The following PTPRJ variants were observed in gnomAD, a reference collection of about 807,000 sequenced individuals.
The protein encoded by PTPRJ is protein tyrosine phosphatase receptor type J, also known as receptor-type tyrosine-protein phosphatase eta.
A neutral mutation model predicts 141.3 loss-of-function variants in PTPRJ; 129 were observed. The observed-to-expected ratio is 0.91, with a 90% CI of 0.79 to 1.06. The LOEUF (loss-of-function observed/expected upper bound fraction) is 1.06, where lower values mean the gene tolerates loss of function less well. Among genes scored for constraint, PTPRJ ranks in the 50% least tolerant of loss-of-function variants. The probability of loss-of-function intolerance (pLI) is 0.00; values close to 1 mark genes in which losing one functional copy is unlikely to be tolerated. For missense variants in PTPRJ, 1,601 were observed against 1,679.7 expected, an observed-to-expected ratio of 0.95 and a Z score of 0.82; for synonymous variants, 610 against 640.5, an observed-to-expected ratio of 0.95 and a Z score of 0.72.
intron 1 of PTPRJ, among the ~76,000 whole-genome samples, chr11:47,999,614 G>T (rs1347006727): frequency 2.0e-5 from 3 of 152,152 alleles, no homozygotes; most frequent in Admixed American, 2.0e-4. Flanking sequence ...GGATATCTGG[G>T]TGTATGGACA....
chr11:48,060,673 A>G (rs1854896848), intron 1 of PTPRJ, among the ~76,000 whole-genome samples: 1 of 152,138 alleles, frequency 6.6e-6, no homozygotes, highest in Admixed American at 6.5e-5. Context: ...GTTATTGTAG[A>G]GATTGATTAG....
intron 1 of PTPRJ, among the ~76,000 whole-genome samples, chr11:48,084,744 A>G (rs1855652682): frequency 6.6e-6 from 1 of 152,216 alleles, no homozygotes; most frequent in South Asian, 2.1e-4. Flanking sequence ...TGTGACCTCT[A>G]GTCAGCAAAT....
intron 1 of PTPRJ, among the ~76,000 whole-genome samples, chr11:48,043,467 G>T (rs973683780): frequency 1.3e-5 from 2 of 152,192 alleles, no homozygotes; most frequent in Admixed American, 6.5e-5. Context: ...CAACCTCTTG[G>T]CTAGAGGGCT....
chr11:48,034,884 T>G (rs1230606097), intron 1 of PTPRJ, among the ~76,000 whole-genome samples: 1 of 152,234 alleles, frequency 6.6e-6, no homozygotes, highest in East Asian at 1.9e-4. Context: ...GTGTTGTGTA[T>G]TTCAGATGCA....
Position 47,980,749 on chromosome 11 carries a change from T to C in PTPRJ, c.-164T>C. ...GCCGCGGCCGCCGCCGCCGCTGCCATGTCTCCGGGGAAGCCCGGGGCGGGC... is the reference window on the plus strand; with the variant it reads ...GCCGCGGCCGCCGCCGCCGCTGCCACGTCTCCGGGGAAGCCCGGGGCGGGC... On this transcript the variant is annotated 5_prime_UTR_variant, in exon 1 of 25. It removes an upstream start codon present in the reference 5' UTR. Transcript: ENST00000418331. The C allele has an allele frequency of 3.0e-6, 3 of 1,015,598 alleles. No homozygotes were observed. The highest frequency in any genetic ancestry group is 3.5e-6 in the Non-Finnish European group (3 of 851,916). The allele number at this position is 1,015,598 out of a possible 1,614,324, so 62.9% of individuals were successfully genotyped here. A position where few individuals can be genotyped will look rare whatever the true frequency, so the allele number is the denominator to read the frequency against.
chr11:48,145,225 G>A, intron 14 of PTPRJ, 101 bp downstream of exon 14: 1 of 1,513,846 alleles, frequency 6.6e-7, no homozygotes, highest in Non-Finnish European at 9.0e-7. Context: ...ACCTTCAGGA[G>A]GGTTGGTGTG....
intron 1 of PTPRJ, among the ~76,000 whole-genome samples, chr11:48,056,892 T>C (rs1009107122): frequency 6.6e-6 from 1 of 152,208 alleles, no homozygotes; most frequent in Non-Finnish European, 1.5e-5. Flanking sequence ...AGGAGGAGGT[T>C]GCAGTGAGCC....
chr11:48,149,890 C>G (rs1034582360), intron 16 of PTPRJ, 100 bp from the exon 17 acceptor site: 1 of 906,570 alleles, frequency 1.1e-6, no homozygotes, highest in Non-Finnish European at 1.7e-6. Flanking sequence ...CAAATTATAC[C>G]CTGGGTTTTG....
chr11:48,085,816 G>C (rs1317135594), intron 1 of PTPRJ, among the ~76,000 whole-genome samples: 1 of 152,190 alleles, frequency 6.6e-6, no homozygotes, highest in African/African-American at 2.4e-5. Flanking sequence ...TTTTCTAAGC[G>C]AATGATTAGT....
chr11:48,006,606 C>T (rs1466725291), intron 1 of PTPRJ, among the ~76,000 whole-genome samples: 1 of 152,182 alleles, frequency 6.6e-6, no homozygotes, highest in Non-Finnish European at 1.5e-5. Flanking sequence ...CACACAGTGT[C>T]AGCAGCCCCC....
chr11:48,028,185 A>G (rs1036235301), intron 1 of PTPRJ, among the ~76,000 whole-genome samples: 2 of 152,222 alleles, frequency 1.3e-5, no homozygotes, highest in African/African-American at 2.4e-5. Flanking sequence ...TCACAGAGGC[A>G]TGGACACTGA....
intron 5 of PTPRJ, among the ~76,000 whole-genome samples, chr11:48,124,347 G>A (rs112168101): frequency 2.4e-4 from 36 of 152,318 alleles, no homozygotes; most frequent in African/African-American, 8.2e-4. Context: ...CCTTGCTTGC[G>A]AGTGACAGAA....
At chr11:48,119,587 C>T (rs767028020) in intron 3 of PTPRJ, among the ~76,000 whole-genome samples, 1 of 152,000 alleles carries the variant, frequency 6.6e-6, no homozygotes, top group African/African-American at 2.4e-5. Context: ...TTGGTAGAGA[C>T]GGGGTTTCAC....
intron 19 of PTPRJ, among the ~76,000 whole-genome samples, chr11:48,155,125 A>G (rs1299557766): frequency 1.3e-5 from 2 of 152,164 alleles, no homozygotes; most frequent in Non-Finnish European, 2.9e-5. Flanking sequence ...TGCTTTTGAG[A>G]TGACAATAAT....
At chr11:48,148,230 T>C (rs1373792004) in intron 15 of PTPRJ, among the ~76,000 whole-genome samples, 1 of 152,036 alleles carries the variant, frequency 6.6e-6, no homozygotes, top group African/African-American at 2.4e-5. Flanking sequence ...AAAATAAGAG[T>C]AATACATGCT....
chr11:48,111,537 G>A (rs1336871327), intron 2 of PTPRJ, among the ~76,000 whole-genome samples: 1 of 152,166 alleles, frequency 6.6e-6, no homozygotes, highest in Admixed American at 6.5e-5. Context: ...ATTAGAGCCT[G>A]TGCAAACAAT....
chr11:48,034,398 T>C (rs1439204045), intron 1 of PTPRJ, among the ~76,000 whole-genome samples: 3 of 152,144 alleles, frequency 2.0e-5, no homozygotes, highest in Non-Finnish European at 4.4e-5. Flanking sequence ...CTGTTTTTCT[T>C]GGGTTTCCAT....
chr11:48,089,046 G>A (rs1156323561), intron 1 of PTPRJ, among the ~76,000 whole-genome samples: 2 of 53,214 alleles, frequency 3.8e-5, no homozygotes, highest in East Asian at 5.0e-4. Flanking sequence ...TTAGCGTGCT[G>A]TGCGCCAGGA....
At chr11:48,131,723 A>T in intron 8 of PTPRJ, 1 of 503,992 alleles carries the variant, frequency 2.0e-6, no homozygotes, top group Non-Finnish European at 3.5e-6. Flanking sequence ...GAAGCCTGAG[A>T]TATTTATTTT....
Sources: allele counts gnomAD v4.1 joint callset (sites outside exome capture counted in the v4.1 genomes callset), GRCh38; gene constraint gnomAD v4.1.1; transcripts MANE v1.5; gene names NCBI Gene and HGNC (gene_info 2026-07-23, HGNC 2026-07-21).